CCSER1: variants seen among roughly 807,000 people sequenced by gnomAD.
The protein encoded by CCSER1 is coiled-coil serine rich protein 1.
CCSER1 carries 41 observed loss-of-function variants against 82.0 expected under a neutral mutation model. That is an observed-to-expected ratio of 0.50 (90% CI 0.39 to 0.65). CCSER1 has a LOEUF of 0.65. CCSER1 is among the 30% of genes least tolerant of loss of function. CCSER1 has a pLI of 0.00. For synonymous variants in CCSER1, 414 were observed against 383.9 expected (o/e 1.08, Z -0.92); for missense variants, 1,119 against 1,064.2 (o/e 1.05, Z -0.72).
intron 10 of CCSER1, among the ~76,000 whole-genome samples, chr4:91,420,800 C>T (rs1753643848): frequency 6.6e-6 from 1 of 151,984 alleles, no homozygotes; most frequent in Admixed American, 6.6e-5. Context: ...TGTCAGCTGA[C>T]AGATGAATGG....
In CCSER1 at chr4:91,336,335, A is replaced by G. The variant is rs368163282; in HGVS notation, c.2217+250341A>G. Among the ~76,000 whole-genome samples, 3 of 152,120 alleles carry G rather than the reference A, an allele frequency of 2.0e-5. No individual in the cohort carries two copies. In the East Asian group the frequency reaches 5.8e-4, roughly 29 times the overall value. On this transcript the variant is annotated intron_variant, in intron 10 of 10. Transcript: ENST00000509176. Reference sequence around the variant, plus strand: ...TTATTGTCAGAATTTTATGAGCTTCAAGTATTTAATATTCTATAAAGCTAT... The same window carrying G: ...TTATTGTCAGAATTTTATGAGCTTCGAGTATTTAATATTCTATAAAGCTAT...
At chr4:90,573,592 G>T (rs1015422707) in intron 5 of CCSER1, among the ~76,000 whole-genome samples, 9 of 152,154 alleles carry the variant, frequency 5.9e-5, no homozygotes, top group African/African-American at 2.2e-4. Context: ...CACATACTTT[G>T]ATCTCTAAGT....
At chr4:90,514,527 G>A (rs1473881729) in intron 5 of CCSER1, among the ~76,000 whole-genome samples, 1 of 152,072 alleles carries the variant, frequency 6.6e-6, no homozygotes, top group Admixed American at 6.5e-5. Context: ...AGGCCAAGGT[G>A]GGTGGATCAC....
At chr4:91,416,832 A>C (rs1187301110) in intron 10 of CCSER1, among the ~76,000 whole-genome samples, 1 of 152,250 alleles carries the variant, frequency 6.6e-6, no homozygotes, top group Non-Finnish European at 1.5e-5. Flanking sequence ...AGGAATTGCA[A>C]CAAAAGCCAG....
intron 10 of CCSER1, among the ~76,000 whole-genome samples, chr4:91,135,068 A>C (rs1007129792): frequency 6.6e-5 from 10 of 152,032 alleles, no homozygotes; most frequent in Non-Finnish European, 4.4e-5. Flanking sequence ...CAAAGAAAAA[A>C]AAAAAAACTA....
intron 10 of CCSER1, among the ~76,000 whole-genome samples, chr4:91,109,616 A>T (rs758398540): frequency 2.6e-5 from 4 of 152,220 alleles, no homozygotes; most frequent in Non-Finnish European, 4.4e-5. Context: ...AAAACAGGTG[A>T]TAGTCATGTT....
chr4:91,067,323 T>C (rs969715165), intron 9 of CCSER1, among the ~76,000 whole-genome samples: 1 of 151,696 alleles, frequency 6.6e-6, no homozygotes, highest in Non-Finnish European at 1.5e-5. Context: ...TACAATAAGA[T>C]GTTTGTCTCA....
intron 9 of CCSER1, among the ~76,000 whole-genome samples, chr4:91,037,890 G>A (rs1236592393): frequency 2.0e-5 from 3 of 151,874 alleles, no homozygotes; most frequent in African/African-American, 7.2e-5. Flanking sequence ...ACATACATAT[G>A]CATATACAAC....
chr4:91,086,891 C>T (rs1340365579), intron 10 of CCSER1, among the ~76,000 whole-genome samples: 1 of 151,974 alleles, frequency 6.6e-6, no homozygotes, highest in Non-Finnish European at 1.5e-5. Context: ...ATTTTCCATC[C>T]AGAAAAATCT....
intron 10 of CCSER1, among the ~76,000 whole-genome samples, chr4:91,547,877 G>A (rs555311459): frequency 6.6e-6 from 1 of 152,046 alleles, no homozygotes; most frequent in African/African-American, 2.4e-5. Flanking sequence ...TGCCTCCTGG[G>A]TTCTAGCAAT....
chr4:90,169,672 C>T lies in CCSER1; in HGVS notation c.-42+41841C>T, dbSNP rs138898890. On this transcript the variant is annotated intron_variant, in intron 1 of 10. Transcript: ENST00000509176. Reference sequence around the variant, plus strand: ...ACTGAAATGCATTCATTTTAAAGGTCTCTCTGTACCACAAAAACGGTTTTA... The same window carrying T: ...ACTGAAATGCATTCATTTTAAAGGTTTCTCTGTACCACAAAAACGGTTTTA... Among the ~76,000 whole-genome samples the T allele has an allele frequency of 4.9e-3, 741 of 152,138 alleles. 9 individuals are homozygous for T. Among genetic ancestry groups the T allele is most frequent in the African/African-American group, 0.017 (699 of 41,526 alleles).
chr4:91,245,269 G>C (rs961985484), intron 10 of CCSER1, among the ~76,000 whole-genome samples: 1 of 152,076 alleles, frequency 6.6e-6, no homozygotes, highest in Non-Finnish European at 1.5e-5. Context: ...CCTAGAAAAA[G>C]ATATCAACAT....
At chr4:90,475,769 A>G (rs1459099963) in intron 5 of CCSER1, among the ~76,000 whole-genome samples, 1 of 152,194 alleles carries the variant, frequency 6.6e-6, no homozygotes, top group Non-Finnish European at 1.5e-5. Flanking sequence ...ACCCATGACT[A>G]GGGAACTACA....
intron 10 of CCSER1, among the ~76,000 whole-genome samples, chr4:91,344,414 A>C (rs1340602079): frequency 6.6e-6 from 1 of 152,230 alleles, no homozygotes; most frequent in African/African-American, 2.4e-5. Flanking sequence ...TACATTCTAC[A>C]TTTTAAAGCA....
intron 1 of CCSER1, among the ~76,000 whole-genome samples, chr4:90,284,060 AT>A (rs781408083): frequency 6.6e-6 from 1 of 151,962 alleles, no homozygotes; most frequent in East Asian, 1.9e-4. Context: ...TTTGATTTGC[AT>A]TTCTCTTATT....
chr4:91,015,703 A>T (rs1739372099), intron 9 of CCSER1, among the ~76,000 whole-genome samples: 1 of 151,908 alleles, frequency 6.6e-6, no homozygotes, highest in Admixed American at 6.6e-5. Flanking sequence ...TATATAAAAT[A>T]TTTCTTTTAC....
intron 7 of CCSER1, among the ~76,000 whole-genome samples, chr4:90,799,082 C>T (rs973301018): frequency 6.6e-5 from 10 of 152,168 alleles, no homozygotes; most frequent in Non-Finnish European, 1.0e-4. Context: ...GAAGGCAACA[C>T]AGCTTGGCGG....
At chr4:91,541,999 T>C (rs1761624104) in intron 10 of CCSER1, among the ~76,000 whole-genome samples, 1 of 152,216 alleles carries the variant, frequency 6.6e-6, no homozygotes, top group African/African-American at 2.4e-5. Context: ...CATTTTTTCA[T>C]GTGTCTGTTG....
At chr4:91,024,631 T>C (rs1168966185) in intron 9 of CCSER1, among the ~76,000 whole-genome samples, 2 of 152,050 alleles carry the variant, frequency 1.3e-5, no homozygotes, top group African/African-American at 4.8e-5. Flanking sequence ...TAATCAATCT[T>C]AATCAACAGT....
Sources: allele counts gnomAD v4.1 joint callset (sites outside exome capture counted in the v4.1 genomes callset), GRCh38; gene constraint gnomAD v4.1.1; transcripts MANE v1.5; gene names NCBI Gene and HGNC (gene_info 2026-07-23, HGNC 2026-07-21).